RGS7BP: variants seen among roughly 807,000 people sequenced by gnomAD.
RGS7BP encodes regulator of G protein signaling 7-binding protein.
In RGS7BP, 9 loss-of-function variants were observed where a neutral mutation model predicts 31.3. That is an observed-to-expected ratio of 0.29 (90% CI 0.17 to 0.50). The LOEUF (loss-of-function observed/expected upper bound fraction) is 0.50. Ranked by LOEUF, RGS7BP falls within the 20% of genes least tolerant of loss-of-function variation. The pLI is 0.98. For missense variants in RGS7BP, 274 were observed against 322.0 expected, an observed-to-expected ratio of 0.85 and a Z score of 1.14; for synonymous variants, 115 against 120.1, an observed-to-expected ratio of 0.96 and a Z score of 0.28.
At chr5:64,585,600 T>C (rs1026534784) in intron 3 of RGS7BP, among the ~76,000 whole-genome samples, 2 of 152,140 alleles carry the variant, frequency 1.3e-5, no homozygotes, top group Non-Finnish European at 2.9e-5. Context: ...CTGCGAGTGC[T>C]CTATTGCACC....
chr5:64,608,428 C>G (rs1030926785), intron 5 of RGS7BP, among the ~76,000 whole-genome samples: 1 of 151,880 alleles, frequency 6.6e-6, no homozygotes, highest in African/African-American at 2.4e-5. Context: ...CTATGAATGC[C>G]CTTGTGTACA....
intron 2 of RGS7BP, among the ~76,000 whole-genome samples, chr5:64,547,565 T>C (rs1741687628): frequency 6.6e-6 from 1 of 152,174 alleles, no homozygotes; most frequent in Admixed American, 6.5e-5. Context: ...ATTAAAAACA[T>C]GCAAACATAA....
chr5:64,609,006 G>A (rs1561353735), intron 5 of RGS7BP, among the ~76,000 whole-genome samples, 155 bp from the exon 6 acceptor site: 1 of 151,990 alleles, frequency 6.6e-6, no homozygotes, highest in Non-Finnish European at 1.5e-5. Context: ...GCTCAGGACA[G>A]TACCCCACAA....
intron 2 of RGS7BP, among the ~76,000 whole-genome samples, chr5:64,520,361 G>A (rs1001881668): frequency 2.0e-5 from 3 of 152,110 alleles, no homozygotes; most frequent in Non-Finnish European, 4.4e-5. Flanking sequence ...CCAGCACACA[G>A]CCGATTTGAG....
intron 4 of RGS7BP, among the ~76,000 whole-genome samples, chr5:64,595,579 C>G (rs1356790850): frequency 1.3e-5 from 2 of 151,998 alleles, no homozygotes; most frequent in African/African-American, 4.8e-5. Flanking sequence ...CATCTAGATG[C>G]TAAAAATGAC....
At chr5:64,520,815 G>C (rs1465555257) in intron 2 of RGS7BP, among the ~76,000 whole-genome samples, 2 of 152,238 alleles carry the variant, frequency 1.3e-5, no homozygotes, top group Non-Finnish European at 2.9e-5. Flanking sequence ...ATGGTAGGAA[G>C]TGCTGGAAGG....
rs918597411 is a variant in RGS7BP, at chr5:64,575,907, A to G, written c.463+3A>G. ...GTCTCTTCAGTTTCATCGAAAAGGTATCTACATTTAATATTGCCGGAAACA... is the reference window on the plus strand; with the variant it reads ...GTCTCTTCAGTTTCATCGAAAAGGTGTCTACATTTAATATTGCCGGAAACA... On this transcript the variant is annotated splice_donor_region_variant and intron_variant, in intron 3 of 5. Coordinates refer to ENST00000334025, the MANE Select transcript of RGS7BP (RefSeq NM_001029875.3). The G allele has an allele frequency of 1.2e-6, 2 of 1,604,528 alleles. No individual in the cohort carries two copies. The highest frequency in any genetic ancestry group is 2.2e-5 in the East Asian group (1 of 44,556).
chr5:64,515,373 A>C (rs1271994963), intron 2 of RGS7BP, among the ~76,000 whole-genome samples: 3 of 152,226 alleles, frequency 2.0e-5, no homozygotes, highest in Admixed American at 2.0e-4. Flanking sequence ...GTTCATTATT[A>C]AAACAAATCA....
At chr5:64,554,885 T>G (rs1481277799) in intron 2 of RGS7BP, among the ~76,000 whole-genome samples, 1 of 151,850 alleles carries the variant, frequency 6.6e-6, no homozygotes, top group Non-Finnish European at 1.5e-5. Context: ...ATTCTAAAAA[T>G]GAATATATAT....
At chr5:64,531,213 G>A (rs1749362046) in intron 2 of RGS7BP, among the ~76,000 whole-genome samples, 1 of 152,140 alleles carries the variant, frequency 6.6e-6, no homozygotes, top group Non-Finnish European at 1.5e-5. Context: ...TTGAATGTAA[G>A]ACAACTAAAA....
At chr5:64,532,297 C>CT (rs1749390778) in intron 2 of RGS7BP, among the ~76,000 whole-genome samples, 1 of 134,210 alleles carries the variant, frequency 7.5e-6, no homozygotes, top group Admixed American at 7.4e-5. Flanking sequence ...GTTGTAATAT[C>CT]CTTTTTTTTT....
intron 3 of RGS7BP, among the ~76,000 whole-genome samples, chr5:64,589,461 C>G (rs531377605): frequency 6.6e-6 from 1 of 152,164 alleles, no homozygotes; most frequent in South Asian, 2.1e-4. Flanking sequence ...ACAGTATCAC[C>G]CCTATAATAT....
At chr5:64,586,619 G>A (rs575197668) in intron 3 of RGS7BP, among the ~76,000 whole-genome samples, 2 of 152,336 alleles carry the variant, frequency 1.3e-5, no homozygotes, top group African/African-American at 4.8e-5. Flanking sequence ...TACATTGAGA[G>A]GTGGTTGCCT....
intron 2 of RGS7BP, among the ~76,000 whole-genome samples, chr5:64,554,601 C>T (rs1446583886): frequency 6.6e-6 from 1 of 152,094 alleles, no homozygotes; most frequent in Non-Finnish European, 1.5e-5. Context: ...AGTCCAAAAG[C>T]AATACATCTC....
In RGS7BP at chr5:64,588,754, G is replaced by T. The variant is rs144994313; in HGVS notation, c.464-5956G>T. Among the ~76,000 whole-genome samples the T allele has an allele frequency of 3.9e-5, 6 of 152,244 alleles. No individual in the cohort carries two copies. The East Asian group carries it at 1.2e-3, about 29-fold the overall frequency. On this transcript the variant is annotated intron_variant, in intron 3 of 5. Coordinates refer to ENST00000334025, the MANE Select transcript of RGS7BP (RefSeq NM_001029875.3). ...AGCCCAAAATGGTGGACTGAAAGAT[G>T]AAGTCAAGGTATTCTCCCAGAATTC...
chr5:64,581,656 G>T (rs1169001175), intron 3 of RGS7BP, among the ~76,000 whole-genome samples: 1 of 152,206 alleles, frequency 6.6e-6, no homozygotes, highest in African/African-American at 2.4e-5. Context: ...CAGTGAACTT[G>T]AATTTAGTAA....
At chr5:64,551,177 A>G (rs902049671) in intron 2 of RGS7BP, among the ~76,000 whole-genome samples, 8 of 151,662 alleles carry the variant, frequency 5.3e-5, no homozygotes, top group African/African-American at 1.2e-4. Context: ...CCTTCTGCCA[A>G]CACAGTGTTA....
intron 2 of RGS7BP, among the ~76,000 whole-genome samples, chr5:64,554,308 A>T (rs1330104280): frequency 6.6e-6 from 1 of 152,150 alleles, no homozygotes; most frequent in Non-Finnish European, 1.5e-5. Context: ...GGTGCCAGGA[A>T]CCTCTTCCTC....
At chr5:64,528,144 C>T (rs564203202) in intron 2 of RGS7BP, among the ~76,000 whole-genome samples, 1 of 152,254 alleles carries the variant, frequency 6.6e-6, no homozygotes, top group East Asian at 1.9e-4. Context: ...GATTTGAAGA[C>T]CGAAGATCTA....
Sources: gnomAD v4.1 joint callset for allele counts (sites outside exome capture counted in the v4.1 genomes callset) on GRCh38, gnomAD v4.1.1 for gene constraint, MANE v1.5 for transcripts, NCBI Gene and HGNC (gene_info 2026-07-23, HGNC 2026-07-21) for gene names.